The following SRRM4 variants were observed in gnomAD, a reference collection of about 807,000 sequenced individuals.
The protein encoded by SRRM4 is serine/arginine repetitive matrix protein 4.
Under a neutral mutation model 68.9 loss-of-function variants are expected in SRRM4, and 33 were observed. The ratio of observed to expected loss-of-function variants is 0.48; its 90% CI spans 0.36 to 0.64. The LOEUF (loss-of-function observed/expected upper bound fraction) is 0.64. SRRM4 is among the 30% of genes least tolerant of loss of function. The pLI, the probability that SRRM4 is intolerant of heterozygous loss-of-function variation, is 0.00. For missense variants in SRRM4, 817 were observed against 827.1 expected, an observed-to-expected ratio of 0.99 and a Z score of 0.15; for synonymous variants, 318 against 318.8, an observed-to-expected ratio of 1.00 and a Z score of 0.03.
chr12:119,015,084 T>C (rs1953473025), intron 1 of SRRM4, among the ~76,000 whole-genome samples: 1 of 152,210 alleles, frequency 6.6e-6, no homozygotes, highest in Admixed American at 6.5e-5. Flanking sequence ...TGAATGAGGC[T>C]GAACTACAGG....
intron 1 of SRRM4, among the ~76,000 whole-genome samples, chr12:119,088,459 A>C (rs905315252): frequency 6.6e-6 from 1 of 152,222 alleles, no homozygotes; most frequent in Non-Finnish European, 1.5e-5. Flanking sequence ...AATTGCAATG[A>C]TAATTATAAT....
chr12:118,996,366 A>G (rs1004484353), intron 1 of SRRM4, among the ~76,000 whole-genome samples: 12 of 152,346 alleles, frequency 7.9e-5, no homozygotes, highest in Admixed American at 2.0e-4. Flanking sequence ...AACAAATGCT[A>G]TGACCCTTTT....
chr12:119,027,687 C>T (rs778905464), intron 1 of SRRM4, among the ~76,000 whole-genome samples: 1 of 152,080 alleles, frequency 6.6e-6, no homozygotes, highest in Non-Finnish European at 1.5e-5. Context: ...AGACAGTGGG[C>T]AAGTATTCTA....
intron 2 of SRRM4, among the ~76,000 whole-genome samples, chr12:119,102,705 A>G (rs2136042414): frequency 6.6e-6 from 1 of 152,324 alleles, no homozygotes; most frequent in Admixed American, 6.5e-5. Flanking sequence ...TAGTTCAGCA[A>G]GCCCTACCTT....
chr12:119,106,759 G>C (rs1954110192), intron 2 of SRRM4, among the ~76,000 whole-genome samples: 1 of 152,108 alleles, frequency 6.6e-6, no homozygotes, highest in African/African-American at 2.4e-5. Flanking sequence ...CTGCAAACAG[G>C]GACATTTTGA....
chr12:119,131,394 G>A (rs913516717), intron 8 of SRRM4, among the ~76,000 whole-genome samples: 1 of 152,154 alleles, frequency 6.6e-6, no homozygotes, highest in Non-Finnish European at 1.5e-5. Flanking sequence ...TGGGAGTTGA[G>A]GGCACAGCTG....
Position 119,130,761 on chromosome 12 carries a change from G to A in SRRM4, c.698G>A (p.Ser233Asn), listed in dbSNP as rs754364949. ...RRCSKTLCKD[S>N]PEAQSSRPPS... ...TGCTCCAAGACCCTCTGCAAGGACA[G>A]CCCTGAGGCCCAGTCCAGTCGCCCG... The change falls in exon 8 of 13, where the codon AGC (serine) becomes AAC (asparagine). Residue 233 changes from serine to asparagine, a missense_variant. Physicochemically the swap from Ser to Asn is conservative, Grantham distance 46 (BLOSUM62 1). Transcript: ENST00000267260. 1.2e-6 allele frequency: 2 copies of A among 1,610,610 alleles called. No individual in the cohort carries two copies. Among genetic ancestry groups the A allele is most frequent in the South Asian group, 2.2e-5 (2 of 90,992 alleles).
rs904059418 is a variant in SRRM4 at position 118,981,738 on chromosome 12, C to T, written c.-145C>T. ...TGCCCGGGCTGGGGCGTCCCATCCC[C>T]CGCCCTGAACTCCGATCTCTCCCAC... On this transcript the variant is annotated 5_prime_UTR_variant, in exon 1 of 13. Coordinates refer to ENST00000267260, the MANE Select transcript of SRRM4 (RefSeq NM_194286.4). The T allele has an allele frequency of 1.1e-5, 10 of 876,640 alleles. No individual in the cohort carries two copies. Among genetic ancestry groups the T allele is most frequent in the African/African-American group, 1.7e-5 (1 of 58,480 alleles). The allele number at this position is 876,640 out of a possible 1,614,324, so 54.3% of individuals were successfully genotyped here. A position where few individuals can be genotyped will look rare whatever the true frequency, so the allele number is the denominator to read the frequency against.
chr12:119,039,736 G>C (rs1403221513), intron 1 of SRRM4, among the ~76,000 whole-genome samples: 3 of 152,202 alleles, frequency 2.0e-5, no homozygotes, highest in Non-Finnish European at 4.4e-5. Flanking sequence ...CACTGAACTT[G>C]AGAAGGCTGC....
chr12:118,991,109 GT>G (rs1262993414), intron 1 of SRRM4, among the ~76,000 whole-genome samples: 1 of 152,084 alleles, frequency 6.6e-6, no homozygotes, highest in East Asian at 1.9e-4. Flanking sequence ...CTGGACCCAT[GT>G]TTTTTTAAGT....
intron 1 of SRRM4, among the ~76,000 whole-genome samples, chr12:119,078,246 T>C (rs551935835): frequency 9.0e-4 from 137 of 152,316 alleles, no homozygotes; most frequent in Middle Eastern, 3.4e-3. Flanking sequence ...TATGTCCTGG[T>C]ATTATAAGCA....
chr12:119,073,770 C>T (rs929153964), intron 1 of SRRM4, among the ~76,000 whole-genome samples: 5 of 152,038 alleles, frequency 3.3e-5, no homozygotes, highest in African/African-American at 9.7e-5. Context: ...ACAGTCATAC[C>T]CTCTGTGCCC....
chr12:119,048,397 A>G lies in SRRM4; in HGVS notation c.132-53839A>G, dbSNP rs997461969. ...CATATTTAGCGAGCCCATGTGATGG[A>G]GGTGAAGGAGCTAGATAACACACTA... is the stretch of plus-strand genomic sequence containing the variant. On this transcript the variant is annotated intron_variant, in intron 1 of 12. Transcript: ENST00000267260. Among the ~76,000 whole-genome samples the G allele has an allele frequency of 5.3e-5, 8 of 152,282 alleles. No individual in the cohort carries two copies. The South Asian group carries it at 1.0e-3, about 20-fold the overall frequency.
intron 1 of SRRM4, among the ~76,000 whole-genome samples, chr12:119,094,204 G>A (rs998794227): frequency 1.3e-5 from 2 of 152,060 alleles, no homozygotes; most frequent in African/African-American, 4.8e-5. Context: ...CTCATCCATC[G>A]CCTGTGGAGA....
chr12:119,025,632 C>T (rs1953543734), intron 1 of SRRM4, among the ~76,000 whole-genome samples: 1 of 151,792 alleles, frequency 6.6e-6, no homozygotes, highest in African/African-American at 2.4e-5. Flanking sequence ...TTAGTACAGA[C>T]AGGGTTTCCC....
intron 3 of SRRM4, among the ~76,000 whole-genome samples, chr12:119,115,847 A>G (rs185610064): frequency 6.6e-6 from 1 of 152,230 alleles, no homozygotes; most frequent in East Asian, 1.9e-4. Context: ...TTCTGCAGAC[A>G]TGTTTTGTTT....
intron 1 of SRRM4, among the ~76,000 whole-genome samples, chr12:119,066,133 T>C (rs1440152639): frequency 6.6e-6 from 1 of 152,220 alleles, no homozygotes; most frequent in Non-Finnish European, 1.5e-5. Context: ...GAAGATATCA[T>C]TTTTAGTCTC....
chr12:119,010,115 C>A (rs867488592), intron 1 of SRRM4, among the ~76,000 whole-genome samples: 1 of 152,158 alleles, frequency 6.6e-6, no homozygotes, highest in Non-Finnish European at 1.5e-5. Flanking sequence ...TGCAATGGTG[C>A]GATCTTGGCT....
intron 1 of SRRM4, among the ~76,000 whole-genome samples, chr12:119,059,305 G>T (rs1953796465): frequency 6.6e-6 from 1 of 151,936 alleles, no homozygotes; most frequent in Non-Finnish European, 1.5e-5. Flanking sequence ...TGTTCATTTT[G>T]TTTGTGTGAC....
Sources: allele counts gnomAD v4.1 joint callset (sites outside exome capture counted in the v4.1 genomes callset), GRCh38; gene constraint gnomAD v4.1.1; transcripts MANE v1.5; gene names NCBI Gene and HGNC (gene_info 2026-07-23, HGNC 2026-07-21).